MALRD1: variants seen among roughly 807,000 people sequenced by gnomAD.
MALRD1 encodes MAM and LDL-receptor class A domain-containing protein 1.
In MALRD1, 247 loss-of-function variants were observed where a neutral mutation model predicts 242.1. That is an observed-to-expected ratio of 1.02 (90% confidence interval 0.92 to 1.13). The LOEUF (loss-of-function observed/expected upper bound fraction) is 1.13. Ranked by LOEUF, MALRD1 falls within the 50% of genes most tolerant of loss-of-function variation. MALRD1 has a pLI of 0.00. For synonymous variants in MALRD1, 995 were observed against 866.6 expected, an observed-to-expected ratio of 1.15 and a Z score of -2.60; for missense variants, 2,989 against 2,533.1, an observed-to-expected ratio of 1.18 and a Z score of -3.86.
chr10:19,702,270 T>C (rs1833662538), intron 38 of MALRD1, among the ~76,000 whole-genome samples: 2 of 152,210 alleles, frequency 1.3e-5, no homozygotes, highest in South Asian at 4.1e-4. Context: ...AATTTTTCAC[T>C]GTTCCCATTC....
chr10:19,258,919 A>T (rs561810741), intron 19 of MALRD1, among the ~76,000 whole-genome samples: 4 of 152,130 alleles, frequency 2.6e-5, no homozygotes, highest in Non-Finnish European at 5.9e-5. Context: ...CTAGCTGCTT[A>T]TTCCATATTA....
At chr10:19,624,418 C>G (rs932499667) in intron 36 of MALRD1, among the ~76,000 whole-genome samples, 1 of 152,134 alleles carries the variant, frequency 6.6e-6, no homozygotes, top group East Asian at 1.9e-4. Context: ...ATCACTGAAA[C>G]TGTTCTGTAG....
At chr10:19,562,459 A>G (rs1836024422) in intron 32 of MALRD1, among the ~76,000 whole-genome samples, 1 of 152,150 alleles carries the variant, frequency 6.6e-6, no homozygotes, top group South Asian at 2.1e-4. Flanking sequence ...CAGAGTATTT[A>G]ACTTTCAAAC....
intron 28 of MALRD1, among the ~76,000 whole-genome samples, chr10:19,406,405 G>A (rs1043591875): frequency 2.0e-5 from 3 of 152,094 alleles, no homozygotes; most frequent in Non-Finnish European, 2.9e-5. Context: ...GCCAGAATTC[G>A]TTCTATGTGT....
rs1032969750 is a variant in MALRD1, at chr10:19,209,353, G to C, written c.2664G>C (p.Gln888His). The C allele has an allele frequency of 5.8e-6, 9 of 1,550,616 alleles. No individual in the cohort carries two copies. The highest frequency in any genetic ancestry group is 1.2e-5 in the South Asian group (1 of 84,058). The change falls in exon 18 of 40, where the codon CAG becomes CAC. Residue 888 changes from glutamine (Q) to histidine (H), a missense_variant. Gln to His is a conservative substitution (Grantham distance 24, BLOSUM62 0). Transcript: ENST00000454679. ...ATGACTTTGATTGGACCAGGAGCCA[G>C]GGTCCAACTCCAACACTTAACACAG... ...AKDDFDWTRS[Q>H]GPTPTLNTGP...
chr10:19,668,793 A>G (rs1465689481), intron 36 of MALRD1, among the ~76,000 whole-genome samples: 3 of 151,982 alleles, frequency 2.0e-5, no homozygotes, highest in Non-Finnish European at 4.4e-5. Context: ...AGTATAAAGG[A>G]AAGGAAAATA....
At chr10:19,534,343 G>A (rs1834555803) in intron 32 of MALRD1, among the ~76,000 whole-genome samples, 1 of 152,128 alleles carries the variant, frequency 6.6e-6, no homozygotes, top group Admixed American at 6.5e-5. Context: ...TTTTACATGT[G>A]GAGGAACCAG....
intron 36 of MALRD1, among the ~76,000 whole-genome samples, chr10:19,636,760 G>A (rs772519025): frequency 9.9e-5 from 15 of 151,848 alleles, no homozygotes; most frequent in South Asian, 2.1e-4. Context: ...TTAGCCAGGC[G>A]CGGTGGCATG....
intron 18 of MALRD1, among the ~76,000 whole-genome samples, chr10:19,238,529 ATACATTATATATAATATATAATG>A (rs1564492905): frequency 8.2e-5 from 7 of 85,618 alleles, no homozygotes; most frequent in Admixed American, 1.7e-4. Context: ...TATATATAAT[ATACATTATATATAATATATAATG>A]TATATTATAT....
intron 18 of MALRD1, among the ~76,000 whole-genome samples, chr10:19,224,915 G>A (rs1837726389): frequency 1.3e-5 from 2 of 152,102 alleles, no homozygotes; most frequent in African/African-American, 2.4e-5. Context: ...CTTTGCCTTT[G>A]CCTATGTTCT....
Position 19,708,442 on chromosome 10 carries a change from A to G in MALRD1, c.6314+15888A>G, listed in dbSNP as rs1297476565. Among the ~76,000 whole-genome samples, 2 of 112,052 alleles carry G rather than the reference A, an allele frequency of 1.8e-5. 1 individual carries two copies. Among genetic ancestry groups the G allele is most frequent in the East Asian group, 5.4e-4 (2 of 3,692 alleles). 73.5% of individuals were successfully genotyped at this position (112,052 alleles called of 152,430 possible). On this transcript the variant is annotated intron_variant, in intron 38 of 39. Coordinates refer to ENST00000454679, the MANE Select transcript of MALRD1 (RefSeq NM_001142308.3). Reference sequence around the variant, plus strand: ...AGCCTCAAGCTCCCAGGCTCAAGTAATTCTCCCATCTTAGCCTCCTTAATA... The same window carrying G: ...AGCCTCAAGCTCCCAGGCTCAAGTAGTTCTCCCATCTTAGCCTCCTTAATA...
At chr10:19,381,791 A>G (rs1002147291) in intron 26 of MALRD1, among the ~76,000 whole-genome samples, 1 of 152,064 alleles carries the variant, frequency 6.6e-6, no homozygotes, top group African/African-American at 2.4e-5. Context: ...GTGAGCCGAG[A>G]TTACGCCACT....
Position 19,424,693 on chromosome 10 carries a change from A to C in MALRD1, c.4846-25614A>C, listed in dbSNP as rs150335089. Among the ~76,000 whole-genome samples, 596 of 152,316 alleles carry C rather than the reference A, an allele frequency of 3.9e-3. 2 individuals are homozygous for C. The highest frequency in any genetic ancestry group is 0.014 in the African/African-American group (569 of 41,572). ...TTCAGCATTGCCTGATTTGGTTTTC[A>C]GAAACTCCTCCAATTGTGTTTGGTG... On this transcript the variant is annotated intron_variant, in intron 28 of 39. Coordinates refer to ENST00000454679, the MANE Select transcript of MALRD1 (RefSeq NM_001142308.3).
intron 38 of MALRD1, among the ~76,000 whole-genome samples, chr10:19,725,457 G>T (rs1834979793): frequency 6.6e-6 from 1 of 152,158 alleles, no homozygotes; most frequent in Non-Finnish European, 1.5e-5. Flanking sequence ...GGAACTGTGA[G>T]TCAATTAAAC....
chr10:19,527,155 T>C (rs1834136952), intron 31 of MALRD1, among the ~76,000 whole-genome samples: 1 of 152,306 alleles, frequency 6.6e-6, no homozygotes, highest in East Asian at 1.9e-4. Flanking sequence ...CTGGAAGAAA[T>C]ATCTCAATTT....
chr10:19,386,717 CATAT>C (rs750473364), intron 26 of MALRD1, among the ~76,000 whole-genome samples: 1 of 46,122 alleles, frequency 2.2e-5, no homozygotes, highest in East Asian at 5.2e-4. Flanking sequence ...AATACATATA[CATAT>C]ACACACACAC....
At chr10:19,455,988 G>A (rs1589108125) in intron 29 of MALRD1, among the ~76,000 whole-genome samples, 1 of 152,212 alleles carries the variant, frequency 6.6e-6, no homozygotes, top group East Asian at 1.9e-4. Flanking sequence ...CAGAGACACT[G>A]GTAAACCCAG....
chr10:19,674,173 A>T (rs1318889122), intron 36 of MALRD1, among the ~76,000 whole-genome samples: 2 of 152,180 alleles, frequency 1.3e-5, no homozygotes, highest in African/African-American at 4.8e-5. Flanking sequence ...TGAAGTCACT[A>T]AGAAAAGGAT....
intron 38 of MALRD1, among the ~76,000 whole-genome samples, chr10:19,717,629 C>T (rs985392785): frequency 6.6e-6 from 1 of 152,074 alleles, no homozygotes; most frequent in African/African-American, 2.4e-5. Context: ...TTTGTAGATC[C>T]TTGGAAGGTG....
Sources: allele counts gnomAD v4.1 joint callset (sites outside exome capture counted in the v4.1 genomes callset), GRCh38; gene constraint gnomAD v4.1.1; transcripts MANE v1.5; gene names NCBI Gene and HGNC (gene_info 2026-07-23, HGNC 2026-07-21).